The following ST13 variants were observed in gnomAD, a reference collection of about 807,000 sequenced individuals.
ST13 encodes ST13 Hsp70 interacting protein.
ST13 carries 23 observed loss-of-function variants against 56.7 expected under a neutral mutation model. The ratio of observed to expected loss-of-function variants is 0.41; its 90% CI spans 0.29 to 0.57. The LOEUF is 0.57. Among genes scored for constraint, ST13 ranks in the 20% least tolerant of loss-of-function variants. The pLI is 0.36. For synonymous variants in ST13, 132 were observed against 142.4 expected (o/e 0.93, Z 0.52); for missense variants, 369 against 459.9 (o/e 0.80, Z 1.81).
intron 3 of ST13, among the ~76,000 whole-genome samples, chr22:40,846,150 G>A (rs911368599): frequency 6.6e-6 from 1 of 152,012 alleles, no homozygotes; most frequent in African/African-American, 2.4e-5. Context: ...TAGTCAGGCT[G>A]GTCTCCAACT....
intron 3 of ST13, among the ~76,000 whole-genome samples, chr22:40,847,240 G>A (rs556586110): frequency 5.3e-5 from 8 of 150,938 alleles, no homozygotes; most frequent in Non-Finnish European, 1.2e-4. Context: ...ATTCAGTTAT[G>A]GGAAAACTTT....
intron 9 of ST13, 86 bp downstream of exon 9, chr22:40,830,754 G>GAGCCAGGA (rs1241853432): frequency 1.3e-6 from 1 of 749,048 alleles, no homozygotes; most frequent in Non-Finnish European, 2.2e-6. Context: ...TTAAATAAAA[G>GAGCCAGGA]AGCCAGGAAT....
chr22:40,827,418 G>A (rs1157683415), intron 10 of ST13, among the ~76,000 whole-genome samples, 189 bp from the exon 11 acceptor site: 1 of 152,188 alleles, frequency 6.6e-6, no homozygotes, highest in Non-Finnish European at 1.5e-5. Flanking sequence ...TTAAAAACAA[G>A]GCTGTAAATC....
At chr22:40,852,629 T>C (rs1031351829) in intron 1 of ST13, among the ~76,000 whole-genome samples, 1 of 152,194 alleles carries the variant, frequency 6.6e-6, no homozygotes, top group Non-Finnish European at 1.5e-5. Flanking sequence ...ATGTTTAATA[T>C]GATAGAAGAA....
intron 8 of ST13, among the ~76,000 whole-genome samples, chr22:40,831,565 A>C (rs1218006278): frequency 2.6e-5 from 4 of 152,220 alleles, no homozygotes; most frequent in African/African-American, 9.7e-5. Context: ...TTCAACTGTC[A>C]CTTTAGCTTG....
chr22:40,835,957 T>C, intron 5 of ST13, 70 bp from the exon 6 acceptor site: 1 of 1,197,152 alleles, frequency 8.4e-7, no homozygotes, highest in Non-Finnish European at 1.2e-6. Context: ...TTTGATCTGT[T>C]ATCCAGTTAA....
chr22:40,840,736 G>C, intron 4 of ST13, 44 bp from the exon 5 acceptor site: 1 of 1,535,212 alleles, frequency 6.5e-7, no homozygotes, highest in Non-Finnish European at 8.9e-7. Context: ...TAGAGAGAGA[G>C]AGAAGGAAGC....
chr22:40,847,393 AC>A (rs1319326476), intron 3 of ST13, among the ~76,000 whole-genome samples: 1 of 149,772 alleles, frequency 6.7e-6, no homozygotes. Context: ...AAAAAAAAAT[AC>A]AAAAATTAGC....
chr22:40,841,749 C>G (rs1049527883), intron 4 of ST13, among the ~76,000 whole-genome samples: 2 of 137,154 alleles, frequency 1.5e-5, no homozygotes, highest in African/African-American at 5.7e-5. Context: ...TCGCAACCTA[C>G]TAAATGTTTT....
chr22:40,845,717 T>C (rs1409891328), intron 3 of ST13, among the ~76,000 whole-genome samples: 2 of 148,450 alleles, frequency 1.3e-5, no homozygotes, highest in Non-Finnish European at 2.9e-5. Flanking sequence ...GGAAAACGAG[T>C]TTTATATATA....
intron 5 of ST13, 134 bp from the exon 6 acceptor site, chr22:40,836,021 T>C (rs1270374047): frequency 2.9e-6 from 2 of 693,566 alleles, no homozygotes; most frequent in Non-Finnish European, 2.3e-6. Context: ...AACTAAGTTA[T>C]ACTAAAACTG....
chr22:40,843,564 T>C (rs2057815324), intron 4 of ST13, among the ~76,000 whole-genome samples: 1 of 152,110 alleles, frequency 6.6e-6, no homozygotes, highest in South Asian at 2.1e-4. Context: ...GGTGAGTGTA[T>C]AAAATGTTCA....
At chr22:40,853,100 A>G (rs1312322338) in intron 1 of ST13, among the ~76,000 whole-genome samples, 1 of 152,198 alleles carries the variant, frequency 6.6e-6, no homozygotes, top group Non-Finnish European at 1.5e-5. Context: ...GGAAAGACTG[A>G]GGAACTGTTT....
chr22:40,837,157 G>C (rs2057781391), intron 5 of ST13, among the ~76,000 whole-genome samples: 1 of 152,162 alleles, frequency 6.6e-6, no homozygotes, highest in South Asian at 2.1e-4. Context: ...AAGATACTTA[G>C]CCAGTTAGCG....
intron 1 of ST13, among the ~76,000 whole-genome samples, chr22:40,855,106 T>C (rs1379104518): frequency 6.6e-6 from 1 of 152,154 alleles, no homozygotes; most frequent in African/African-American, 2.4e-5. Flanking sequence ...TAGAACCAGA[T>C]TGTTGTTAAG....
At chr22:40,841,309 G>A (rs1569002286) in intron 4 of ST13, among the ~76,000 whole-genome samples, 2 of 151,986 alleles carry the variant, frequency 1.3e-5, no homozygotes, top group Non-Finnish European at 2.9e-5. Context: ...AGTCAAGGCT[G>A]TAGTGAGTCT....
Position 40,844,876 on chromosome 22 carries a change from G to C in ST13, c.278C>G (p.Thr93Ser), listed in dbSNP as rs2057823095. 1 of 1,613,670 alleles carries C rather than the reference G, an allele frequency of 6.2e-7. No homozygotes were observed. Among genetic ancestry groups the C allele is most frequent in the Non-Finnish European group, 8.5e-7 (1 of 1,179,758 alleles). ...ATCTCCCATTTCTTGAGGAGCATCA[G>C]TGTCTGGTTCAATCACACCTTCTTT... The part of the protein sequence containing the change: ...IDKEGVIEPD[T>S]DAPQEMGDEN... The change falls in exon 4 of 12, where the codon ACT becomes AGT. Residue 93 changes from threonine (T) to serine (S), a missense_variant. Thr to Ser is a moderately conservative substitution (Grantham distance 58). Around this residue, in one of 3 missense-constraint regions of ST13, gnomAD observed 169 missense variants for 175.6 expected, o/e 0.96. Transcript: ENST00000216218.
chr22:40,850,996 T>C, intron 1 of ST13, 116 bp from the exon 2 acceptor site: 2 of 695,912 alleles, frequency 2.9e-6, no homozygotes, highest in South Asian at 4.2e-5. Flanking sequence ...TTTCAAAATT[T>C]AAAAGTAAAC....
chr22:40,834,773 G>C (rs937097751), intron 7 of ST13, among the ~76,000 whole-genome samples: 2 of 152,302 alleles, frequency 1.3e-5, no homozygotes, highest in South Asian at 4.1e-4. Context: ...GATTTCAAAA[G>C]GATCAACAGC....
Sources: allele counts gnomAD v4.1 joint callset (sites outside exome capture counted in the v4.1 genomes callset), GRCh38; gene constraint gnomAD v4.1.1; regional missense constraint gnomAD v4.1.1; transcripts MANE v1.5; gene names NCBI Gene and HGNC (gene_info 2026-07-23, HGNC 2026-07-21).